The following GSDMC variants were observed in gnomAD, a reference collection of about 807,000 sequenced individuals.
GSDMC encodes the protein gasdermin C.
GSDMC carries 59 observed loss-of-function variants against 58.0 expected under a neutral mutation model. That is an observed-to-expected ratio of 1.02 (90% confidence interval 0.82 to 1.26). GSDMC has a LOEUF of 1.26. GSDMC is among the 50% of genes most tolerant of loss of function. GSDMC has a pLI of 0.00. For synonymous variants in GSDMC, 241 were observed against 220.2 expected (o/e 1.09, Z -0.83); for missense variants, 659 against 598.5 (o/e 1.10, Z -1.06).
chr8:129,786,333 A>AG lies in GSDMC; in HGVS notation c.-328_-327insC, dbSNP rs1044207260. ...GGCAACTCCGTCTCAAAAAAAAAAA[A>AG]AAGAGAGAAAAATAGCACAATTGAG... is the stretch of plus-strand genomic sequence containing the variant. On this transcript the variant is annotated 5_prime_UTR_variant, in exon 1 of 14. Coordinates refer to ENST00000276708, the MANE Select transcript of GSDMC (RefSeq NM_031415.3). 3.3e-5 allele frequency: 5 copies of AG among 152,042 alleles called. No homozygotes were observed. The highest frequency in any genetic ancestry group is 4.4e-5 in the Non-Finnish European group (3 of 68,016). 9.4% of individuals were successfully genotyped at this position (152,042 alleles called of 1,614,324 possible).
Position 129,748,519 on chromosome 8 carries a change from C to T in GSDMC, c.1509G>A (p.Gln503=). 6.2e-7 allele frequency: 1 copy of T among 1,609,006 alleles called. No homozygotes were observed. The highest frequency in any genetic ancestry group is 8.5e-7 in the Non-Finnish European group (1 of 1,177,618). Residue 503 remains glutamine, a synonymous_variant, in exon 14 of 14, where the codon CAG becomes CAA. Coordinates refer to ENST00000276708, the MANE Select transcript of GSDMC (RefSeq NM_031415.3). ...SALYGTLSLL[Q]QLAEA ...GGAGGGCTTAGGCCTCAGCCAGCTG[C>T]TGCAGCAACGAGAGAGTCCCATAGA...
chr8:129,756,341 C>A (rs1166846063), intron 6 of GSDMC, among the ~76,000 whole-genome samples: 6 of 151,884 alleles, frequency 4.0e-5, no homozygotes, highest in African/African-American at 1.2e-4. Context: ...CTCAACACTG[C>A]AGTACCCAGA....
intron 8 of GSDMC, 89 bp from the exon 9 acceptor site, chr8:129,751,980 T>C: frequency 6.8e-7 from 1 of 1,468,484 alleles, no homozygotes; most frequent in Non-Finnish European, 9.5e-7. Context: ...ACCACTCTTC[T>C]CTATCTGTTC....
intron 1 of GSDMC, among the ~76,000 whole-genome samples, chr8:129,782,711 T>C (rs2034449396): frequency 6.6e-6 from 1 of 152,040 alleles, no homozygotes; most frequent in Admixed American, 6.6e-5. Flanking sequence ...ATCAAGGCTG[T>C]AATAAAAAGT....
chr8:129,755,630 T>C lies in GSDMC; in HGVS notation c.722-2810A>G, dbSNP rs566555580. Among the ~76,000 whole-genome samples the C allele has an allele frequency of 3.3e-5, 5 of 152,160 alleles. No homozygotes were observed. In the South Asian group the frequency reaches 1.0e-3, roughly 32 times the overall value. ...ATTCTTAAGCAGAAAGACTAAATGA[T>C]GAATCAATCAAAAATAACTACAACT... On this transcript the variant is annotated intron_variant, in intron 6 of 13. Coordinates refer to ENST00000276708, the MANE Select transcript of GSDMC (RefSeq NM_031415.3).
intron 3 of GSDMC, among the ~76,000 whole-genome samples, chr8:129,771,011 A>AT (rs944967917): frequency 1.2e-4 from 18 of 150,032 alleles, no homozygotes; most frequent in Non-Finnish European, 2.2e-4. Context: ...ACGCAGACAC[A>AT]TTTTTTTATA....
At chr8:129,723,455 A>T in the GSDMC span, among the ~76,000 whole-genome samples, 8 of 138,424 alleles carry the variant, frequency 5.8e-5, no homozygotes, top group Non-Finnish European at 1.1e-4. Context: ...TTTAGTAGAG[A>T]CAGGGTTTCA....
rs184286989 is a variant in GSDMC at position 129,765,439 on chromosome 8, C to T, written c.570+189G>A. ...GACCCCGTATAGTAAAACACTGTAA[C>T]GGAGGATATTAGAATATACTCTCAG... On this transcript the variant is annotated intron_variant, in intron 4 of 13. Coordinates refer to ENST00000276708, the MANE Select transcript of GSDMC (RefSeq NM_031415.3). Among the ~76,000 whole-genome samples the T allele has an allele frequency of 2.6e-3, 391 of 152,188 alleles. 1 individual carries two copies. The highest frequency in any genetic ancestry group is 4.4e-3 in the Non-Finnish European group (297 of 68,020).
At position 129,751,572 on chromosome 8, in the gene GSDMC, G is replaced by A. The variant is rs1393455879; in HGVS notation, c.917-4C>T. The A allele has an allele frequency of 6.2e-7, 1 of 1,611,632 alleles. No individual in the cohort carries two copies. Among genetic ancestry groups the A allele is most frequent in the Non-Finnish European group, 8.5e-7 (1 of 1,178,506 alleles). ...CAGAAGGGTTCCTCTATTCTTCCTA[G>A]AAGGAGAATCAAGTCATCATCTCAC... On this transcript the variant is annotated splice_polypyrimidine_tract_variant and splice_region_variant and intron_variant, in intron 9 of 13. Transcript: ENST00000276708.
chr8:129,730,537 A>T, the GSDMC span: 1 of 419,054 alleles, frequency 2.4e-6, no homozygotes, highest in Non-Finnish European at 3.8e-6. Flanking sequence ...CTCTTAAAAA[A>T]CATGAGTTAA....
At chr8:129,783,122 A>G (rs1006057217) in intron 1 of GSDMC, among the ~76,000 whole-genome samples, 4 of 152,210 alleles carry the variant, frequency 2.6e-5, no homozygotes, top group Non-Finnish European at 5.9e-5. Context: ...GATCATTTCC[A>G]TTAATGCTGA....
the GSDMC span, among the ~76,000 whole-genome samples, chr8:129,711,877 C>A: frequency 6.6e-6 from 1 of 152,184 alleles, no homozygotes; most frequent in African/African-American, 2.4e-5. Context: ...AGATACCCAA[C>A]TAAAACGAGG....
At chr8:129,763,356 T>C (rs1446191969) in intron 4 of GSDMC, among the ~76,000 whole-genome samples, 1 of 152,240 alleles carries the variant, frequency 6.6e-6, no homozygotes, top group Non-Finnish European at 1.5e-5. Context: ...TTGAGGTAAG[T>C]GTTCTGAAAA....
chr8:129,751,925 G>A (rs193037692), intron 8 of GSDMC, 34 bp from the exon 9 acceptor site: 6 of 1,601,002 alleles, frequency 3.7e-6, no homozygotes, highest in Admixed American at 1.7e-5. Context: ...CACCAAAGAG[G>A]CTCAAAGACT....
the GSDMC span, among the ~76,000 whole-genome samples, chr8:129,735,465 C>A: frequency 1.3e-5 from 2 of 152,158 alleles, no homozygotes; most frequent in African/African-American, 4.8e-5. Flanking sequence ...TCTTTCAGAC[C>A]ACAGTGCAAT....
chr8:129,758,644 A>G (rs1330046670), intron 6 of GSDMC, among the ~76,000 whole-genome samples: 1 of 152,192 alleles, frequency 6.6e-6, no homozygotes, highest in Non-Finnish European at 1.5e-5. Flanking sequence ...ACATCTAGGA[A>G]TTAACTTAAC....
intron 6 of GSDMC, 119 bp downstream of exon 6, chr8:129,760,426 T>A: frequency 1.8e-6 from 1 of 556,210 alleles, no homozygotes; most frequent in Non-Finnish European, 3.2e-6. Context: ...CATTTTCCAT[T>A]ATGTGATTAT....
intron 4 of GSDMC, among the ~76,000 whole-genome samples, chr8:129,764,185 T>C (rs1195060356): frequency 6.6e-6 from 1 of 151,844 alleles, no homozygotes; most frequent in Non-Finnish European, 1.5e-5. Context: ...TGTCTGTGAT[T>C]TTTTTTTTCT....
At chr8:129,740,884 G>A in the GSDMC span, among the ~76,000 whole-genome samples, 51 of 152,178 alleles carry the variant, frequency 3.4e-4, 1 homozygote, top group South Asian at 3.7e-3. Context: ...ATTGTTGCCC[G>A]TGCTTTCGGA....
Sources: gnomAD v4.1 joint callset for allele counts (sites outside exome capture counted in the v4.1 genomes callset) on GRCh38, gnomAD v4.1.1 for gene constraint, MANE v1.5 for transcripts, NCBI Gene and HGNC (gene_info 2026-07-23, HGNC 2026-07-21) for gene names.